The following PUS1 variants were observed in gnomAD, a reference collection of about 807,000 sequenced individuals.
The protein encoded by PUS1 is pseudouridine synthase 1, also known as pseudouridylate synthase 1 homolog.
Under a neutral mutation model 38.5 loss-of-function variants are expected in PUS1, and 25 were observed. That is an observed-to-expected ratio of 0.65 (90% CI 0.47 to 0.91). The LOEUF is 0.91. Among genes scored for constraint, PUS1 ranks in the 40% least tolerant of loss-of-function variants. The pLI, the probability that PUS1 is intolerant of heterozygous loss-of-function variation, is 0.00. For synonymous variants in PUS1, 282 were observed against 260.4 expected, an observed-to-expected ratio of 1.08 and a Z score of -0.80; for missense variants, 597 against 612.3, an observed-to-expected ratio of 0.97 and a Z score of 0.26.
At chr12:131,935,746 T>C (rs1359017124) in intron 3 of PUS1, among the ~76,000 whole-genome samples, 1 of 151,966 alleles carries the variant, frequency 6.6e-6, no homozygotes, top group Non-Finnish European at 1.5e-5. Context: ...TTGATCAGGC[T>C]GGTCTCGAAC....
chr12:131,942,616 C>T (rs935743357), intron 5 of PUS1, among the ~76,000 whole-genome samples: 1 of 152,142 alleles, frequency 6.6e-6, no homozygotes, highest in African/African-American at 2.4e-5. Flanking sequence ...CCATGTTAGC[C>T]AGGATGGTCT....
intron 3 of PUS1, 21 bp from the exon 4 acceptor site, chr12:131,939,152 C>A: frequency 6.6e-7 from 1 of 1,525,918 alleles, no homozygotes; most frequent in Non-Finnish European, 8.9e-7. Context: ...CCTTCCGTCA[C>A]CCGTTCTGCT....
intron 3 of PUS1, among the ~76,000 whole-genome samples, chr12:131,937,416 C>T (rs1399155564): frequency 1.3e-5 from 2 of 152,018 alleles, no homozygotes; most frequent in African/African-American, 4.8e-5. Context: ...CTCTTGTTGC[C>T]CAGGTTGGAG....
In PUS1 at chr12:131,944,863, A is replaced by C. The variant is rs1256270796; in HGVS notation, c.*1277A>C. On this transcript the variant is annotated 3_prime_UTR_variant, in exon 6 of 6. Coordinates refer to ENST00000376649, the MANE Select transcript of PUS1 (RefSeq NM_025215.6). ...GCATCCAGCGGCCCTTCGTAGCTGC[A>C]AGGGAGGCTGGGGAAGACTGCTTTT... is the stretch of plus-strand genomic sequence containing the variant. 6.6e-6 allele frequency: 1 copy of C among 152,330 alleles called. No individual in the cohort carries two copies. Among genetic ancestry groups the C allele is most frequent in the Non-Finnish European group, 1.5e-5 (1 of 68,098 alleles). The allele number at this position is 152,330 out of a possible 1,614,324, so 9.4% of individuals were successfully genotyped here. A position where few individuals can be genotyped will look rare whatever the true frequency, so the allele number is the denominator to read the frequency against.
chr12:131,930,376 G>C (rs891005842), intron 2 of PUS1, among the ~76,000 whole-genome samples: 2 of 152,244 alleles, frequency 1.3e-5, no homozygotes, highest in Non-Finnish European at 2.9e-5. Context: ...GGGTTCACTT[G>C]CTGGGTGCCT....
chr12:131,931,541 A>C (rs2136431436), intron 2 of PUS1: 1 of 154,164 alleles, frequency 6.5e-6, no homozygotes, highest in Admixed American at 6.4e-5. Flanking sequence ...GATTAAAAGC[A>C]TACCTAATTA....
chr12:131,929,986 C>G lies in PUS1; in HGVS notation c.154C>G (p.Arg52Gly). The G allele has an allele frequency of 6.7e-7, 1 of 1,496,072 alleles. No homozygotes were observed. The highest frequency in any genetic ancestry group is 8.8e-7 in the Non-Finnish European group (1 of 1,134,098). 92.7% of individuals were successfully genotyped at this position (1,496,072 alleles called of 1,614,324 possible). A position where few individuals can be genotyped will look rare whatever the true frequency, so the allele number is the denominator to read the frequency against. The change falls in exon 2 of 6, where the codon CGG (arginine) becomes GGG (glycine). Residue 52 changes from arginine (R) to glycine (G), a missense_variant. Coordinates refer to ENST00000376649, the MANE Select transcript of PUS1 (RefSeq NM_025215.6). ...CPQDRRSCSG[R>G]AGGDRVWEDG... ...CCAGGACCGGAGGTCCTGCAGCGGC[C>G]GGGCCGGGGGCGACCGCGTCTGGGA...
Position 131,932,325 on chromosome 12 carries a change from C to T in PUS1, c.441+13C>T, listed in dbSNP as rs772749221. The T allele has an allele frequency of 9.9e-6, 16 of 1,612,670 alleles. No individual in the cohort carries two copies. Among genetic ancestry groups the T allele is most frequent in the Middle Eastern group, 2.0e-4 (1 of 5,124 alleles). On this transcript the variant is annotated intron_variant, in intron 3 of 5. Coordinates refer to ENST00000376649, the MANE Select transcript of PUS1 (RefSeq NM_025215.6). ...CCGGACAGACAAGGTGGGTGGTGGC[C>T]TTCTCTGCCCCTCCCCCGCTGCTAT...
chr12:131,943,505 T>C (rs1231078819), intron 5 of PUS1, 34 bp from the exon 6 acceptor site: 5 of 1,594,716 alleles, frequency 3.1e-6, no homozygotes, highest in Admixed American at 3.3e-5. Flanking sequence ...AGAGAGTGCT[T>C]GCCTCTTATT....
intron 4 of PUS1, 128 bp downstream of exon 4, chr12:131,939,403 C>G: frequency 4.1e-6 from 3 of 728,342 alleles, no homozygotes; most frequent in Non-Finnish European, 7.3e-6. Context: ...TGCTTTGCAG[C>G]TGGTTCTGAC....
rs948450431 is a variant in PUS1, at chr12:131,945,548, G to C, written c.*1962G>C. On this transcript the variant is annotated 3_prime_UTR_variant, in exon 6 of 6. Coordinates refer to ENST00000376649, the MANE Select transcript of PUS1 (RefSeq NM_025215.6). ...GTCTCGCTGTGTTGCCCAGCCTGGAGTGCAGTGGCGCGATCTCGGCTCACT... is the reference window on the plus strand; with the variant it reads ...GTCTCGCTGTGTTGCCCAGCCTGGACTGCAGTGGCGCGATCTCGGCTCACT... 6.6e-6 allele frequency: 1 copy of C among 152,360 alleles called. No individual in the cohort carries two copies. Among genetic ancestry groups the C allele is most frequent in the Non-Finnish European group, 1.5e-5 (1 of 68,136 alleles). 9.4% of individuals were successfully genotyped at this position (152,360 alleles called of 1,614,324 possible).
chr12:131,945,462 T>C lies in PUS1; in HGVS notation c.*1876T>C, dbSNP rs181184645. The C allele has an allele frequency of 1.3e-5, 2 of 152,340 alleles. No homozygotes were observed. Among genetic ancestry groups the C allele is most frequent in the Admixed American group, 1.3e-4 (2 of 15,296 alleles). 9.4% of individuals were successfully genotyped at this position (152,340 alleles called of 1,614,324 possible). A position where few individuals can be genotyped will look rare whatever the true frequency, so the allele number is the denominator to read the frequency against. ...ACAAGCAGGAGCTTGGTTCTAAGCA[T>C]GTTAATTTTACCTGGGATAGACAGG... On this transcript the variant is annotated 3_prime_UTR_variant, in exon 6 of 6. Coordinates refer to ENST00000376649, the MANE Select transcript of PUS1 (RefSeq NM_025215.6).
chr12:131,939,070 A>G, intron 3 of PUS1, 103 bp from the exon 4 acceptor site: 2 of 781,344 alleles, frequency 2.6e-6, no homozygotes, highest in Non-Finnish European at 2.2e-6. Flanking sequence ...AGCTGAATTC[A>G]TGTGTGAAAT....
At position 131,941,104 on chromosome 12, in the gene PUS1, G is replaced by C. The variant is rs556321316; in HGVS notation, c.545-188G>C. ...ATAGAGCACTGCACCTGTCCCTCCT[G>C]TCCATCGTCCTCCTGTGCCTGTTCC... On this transcript the variant is annotated intron_variant, in intron 4 of 5. Coordinates refer to ENST00000376649, the MANE Select transcript of PUS1 (RefSeq NM_025215.6). The surrounding 1 kb of genome is among the most constrained non-coding windows in gnomAD (Gnocchi z 4.4). 1 of 613,708 alleles carries C rather than the reference G, an allele frequency of 1.6e-6. No individual in the cohort carries two copies. The highest frequency in any genetic ancestry group is 1.9e-5 in the South Asian group (1 of 52,744). The allele number at this position is 613,708 out of a possible 1,614,324, so 38.0% of individuals were successfully genotyped here.
chr12:131,933,163 G>A (rs1890683016), intron 3 of PUS1, among the ~76,000 whole-genome samples: 1 of 150,932 alleles, frequency 6.6e-6, no homozygotes, highest in Admixed American at 6.6e-5. Flanking sequence ...CCGTATCACT[G>A]GAATGACAGG....
At chr12:131,933,278 A>G (rs1593289670) in intron 3 of PUS1, among the ~76,000 whole-genome samples, 1 of 145,890 alleles carries the variant, frequency 6.9e-6, no homozygotes, top group African/African-American at 2.6e-5. Flanking sequence ...TCATCTTCCC[A>G]CCTTGGCGTC....
chr12:131,931,037 T>G (rs184250873), intron 2 of PUS1, among the ~76,000 whole-genome samples: 1 of 152,250 alleles, frequency 6.6e-6, no homozygotes, highest in East Asian at 1.9e-4. Context: ...TTAAACATCT[T>G]TAAACATTTC....
intron 5 of PUS1, among the ~76,000 whole-genome samples, chr12:131,942,409 T>C (rs1413289834): frequency 6.6e-6 from 1 of 150,394 alleles, no homozygotes; most frequent in Non-Finnish European, 1.5e-5. Context: ...TGTTCTTTCT[T>C]TTTTTTTTGT....
Position 131,943,772 on chromosome 12 carries a change from A to G in PUS1, c.*186A>G, listed in dbSNP as rs1321892001. The G allele has an allele frequency of 3.2e-6, 2 of 616,240 alleles. No individual in the cohort carries two copies. The highest frequency in any genetic ancestry group is 5.9e-6 in the Non-Finnish European group (2 of 339,776). The allele number at this position is 616,240 out of a possible 1,614,324, so 38.2% of individuals were successfully genotyped here. ...TCTCGAATCTGTTTTCAGCTCTTGCATTGCATAGATGAACCTCAGCATGTA... is the reference window on the plus strand; with the variant it reads ...TCTCGAATCTGTTTTCAGCTCTTGCGTTGCATAGATGAACCTCAGCATGTA... On this transcript the variant is annotated 3_prime_UTR_variant, in exon 6 of 6. Transcript: ENST00000376649.
Sources: gnomAD v4.1 joint callset for allele counts (sites outside exome capture counted in the v4.1 genomes callset) on GRCh38, gnomAD v4.1.1 for gene constraint, Gnocchi (gnomAD v3.1) non-coding constraint, MANE v1.5 for transcripts, NCBI Gene and HGNC (gene_info 2026-07-23, HGNC 2026-07-21) for gene names.